PRKCE: variants seen among roughly 807,000 people sequenced by gnomAD.
The protein encoded by PRKCE is protein kinase C epsilon.
A neutral mutation model predicts 85.4 loss-of-function variants in PRKCE; 16 were observed. That is an observed-to-expected ratio of 0.19 (90% CI 0.13 to 0.28). PRKCE has a LOEUF of 0.28. Ranked by LOEUF, PRKCE falls within the 10% of genes least tolerant of loss-of-function variation. The probability of loss-of-function intolerance (pLI) is 1.00; values close to 1 mark genes in which losing one functional copy is unlikely to be tolerated. For synonymous variants in PRKCE, 388 were observed against 371.5 expected (o/e 1.04, Z -0.51); for missense variants, 573 against 975.2 (o/e 0.59, Z 5.49).
rs537945185 is a variant in PRKCE, at chr2:45,968,031, G to A, written c.413-8398G>A. Among the ~76,000 whole-genome samples the A allele has an allele frequency of 3.9e-5, 6 of 152,332 alleles. No homozygotes were observed. In the South Asian group the frequency reaches 1.2e-3, roughly 32 times the overall value. On this transcript the variant is annotated intron_variant, in intron 2 of 14. Coordinates refer to ENST00000306156, the MANE Select transcript of PRKCE (RefSeq NM_005400.3). Reference sequence around the variant, plus strand: ...ACAAAGGGTAGGGGACTGTCCTGCAGTGAGGAATGACAGTGGTGCCCCAAG... The same window carrying A: ...ACAAAGGGTAGGGGACTGTCCTGCAATGAGGAATGACAGTGGTGCCCCAAG...
intron 11 of PRKCE, among the ~76,000 whole-genome samples, chr2:46,098,628 A>C (rs1288588513): frequency 1.3e-5 from 2 of 152,156 alleles, no homozygotes; most frequent in African/African-American, 4.8e-5. Context: ...TTTGACATCA[A>C]TATATTTTAT....
rs1449105737 is a variant in PRKCE, at chr2:45,884,984, TATATA to T, written c.412+41922_412+41926del. On this transcript the variant is annotated intron_variant, in intron 2 of 14. Coordinates refer to ENST00000306156, the MANE Select transcript of PRKCE (RefSeq NM_005400.3). ...ATATATATATATATATATATATATA[TATATA>T]TATATATATATATTTGTTGTTGTTG... is the stretch of plus-strand genomic sequence containing the variant. Among the ~76,000 whole-genome samples, 26 of 77,106 alleles carry T rather than the reference TATATA, an allele frequency of 3.4e-4. No homozygotes were observed. In the East Asian group the frequency reaches 3.5e-3, roughly 10 times the overall value. The allele number at this position is 77,106 out of a possible 152,430, so 50.6% of individuals were successfully genotyped here.
intron 1 of PRKCE, among the ~76,000 whole-genome samples, chr2:45,789,350 A>G (rs1301065515): frequency 6.6e-6 from 1 of 152,256 alleles, no homozygotes; most frequent in East Asian, 1.9e-4. Flanking sequence ...TACTGTTCAC[A>G]GTTCATGCAT....
At chr2:45,944,936 C>T (rs1211601883) in intron 2 of PRKCE, among the ~76,000 whole-genome samples, 1 of 152,084 alleles carries the variant, frequency 6.6e-6, no homozygotes, top group East Asian at 1.9e-4. Context: ...AGAGTGGGGA[C>T]ACCTGTTTTT....
chr2:45,825,929 G>C (rs980234282), intron 1 of PRKCE, among the ~76,000 whole-genome samples: 1 of 152,034 alleles, frequency 6.6e-6, no homozygotes, highest in African/African-American at 2.4e-5. Context: ...TGGCAGGGAC[G>C]GGGGGATGGG....
At position 46,077,647 on chromosome 2, in the gene PRKCE, A is replaced by G. The variant is rs145208932; in HGVS notation, c.1438-8561A>G. On this transcript the variant is annotated intron_variant, in intron 10 of 14. Coordinates refer to ENST00000306156, the MANE Select transcript of PRKCE (RefSeq NM_005400.3). Reference sequence around the variant, plus strand: ...TAGAATAAGGGCTGAAAACATGTGAAAATGACTTTTTAAACATCATTAAGG... The same window carrying G: ...TAGAATAAGGGCTGAAAACATGTGAGAATGACTTTTTAAACATCATTAAGG... Among the ~76,000 whole-genome samples, 209 of 152,330 alleles carry G rather than the reference A, an allele frequency of 1.4e-3. 1 individual carries two copies. Among genetic ancestry groups the G allele is most frequent in the African/African-American group, 4.7e-3 (196 of 41,584 alleles).
intron 2 of PRKCE, among the ~76,000 whole-genome samples, chr2:45,970,443 A>C (rs774877471): frequency 1.1e-4 from 16 of 152,132 alleles, no homozygotes; most frequent in Non-Finnish European, 2.2e-4. Context: ...ATCAGAAACT[A>C]ATTGGGAGGA....
chr2:46,093,160 C>T (rs770186703), intron 11 of PRKCE, among the ~76,000 whole-genome samples: 7 of 152,054 alleles, frequency 4.6e-5, no homozygotes, highest in Admixed American at 4.6e-4. Context: ...ATCTAAGGGC[C>T]GAGTCTCTAA....
intron 11 of PRKCE, among the ~76,000 whole-genome samples, chr2:46,121,573 C>T (rs527574528): frequency 1.4e-4 from 21 of 152,298 alleles, no homozygotes; most frequent in Middle Eastern, 3.4e-3. Flanking sequence ...TTACAGGACC[C>T]GGCATGGTGC....
intron 1 of PRKCE, among the ~76,000 whole-genome samples, chr2:45,693,649 C>T (rs1279179654): frequency 6.6e-6 from 1 of 152,136 alleles, no homozygotes; most frequent in African/African-American, 2.4e-5. Context: ...CTCTGAGAGG[C>T]TGGTCTCAAG....
chr2:45,871,156 C>G (rs529504967), intron 2 of PRKCE, among the ~76,000 whole-genome samples: 6 of 152,346 alleles, frequency 3.9e-5, no homozygotes, highest in Admixed American at 1.3e-4. Flanking sequence ...GAAGGCACAT[C>G]TGTTAACCAC....
intron 2 of PRKCE, among the ~76,000 whole-genome samples, chr2:45,928,153 T>A (rs2104009226): frequency 6.6e-6 from 1 of 152,346 alleles, no homozygotes; most frequent in African/African-American, 2.4e-5. Flanking sequence ...TTGTTCTGTG[T>A]TGTGATCTAT....
intron 1 of PRKCE, among the ~76,000 whole-genome samples, chr2:45,666,143 C>G (rs1675900259): frequency 6.6e-6 from 1 of 152,136 alleles, no homozygotes; most frequent in South Asian, 2.1e-4. Context: ...CCATGACTAC[C>G]TAGCTGGTTT....
At chr2:45,915,442 T>C (rs765889420) in intron 2 of PRKCE, among the ~76,000 whole-genome samples, 51 of 152,084 alleles carry the variant, frequency 3.4e-4, no homozygotes, top group Non-Finnish European at 6.5e-4. Context: ...GAATCAGCTG[T>C]TTTGTATGAG....
At chr2:45,826,154 G>A (rs1689925321) in intron 1 of PRKCE, among the ~76,000 whole-genome samples, 1 of 152,118 alleles carries the variant, frequency 6.6e-6, no homozygotes, top group African/African-American at 2.4e-5. Flanking sequence ...CACCCTCCTG[G>A]TCTCAATGTG....
chr2:45,921,543 C>T (rs1035692723), intron 2 of PRKCE, among the ~76,000 whole-genome samples: 5 of 152,198 alleles, frequency 3.3e-5, no homozygotes, highest in Non-Finnish European at 5.9e-5. Flanking sequence ...TTAGAAAGCT[C>T]AGTTACAGAG....
chr2:45,925,588 G>A (rs954371035), intron 2 of PRKCE, among the ~76,000 whole-genome samples: 3 of 152,134 alleles, frequency 2.0e-5, no homozygotes, highest in Admixed American at 6.5e-5. Flanking sequence ...GAACCACCGC[G>A]CCCGGCCAAG....
intron 1 of PRKCE, among the ~76,000 whole-genome samples, chr2:45,810,790 T>C (rs1050211509): frequency 5.9e-5 from 9 of 152,230 alleles, no homozygotes; most frequent in Non-Finnish European, 1.3e-4. Context: ...CTAACTTTGT[T>C]GCCTAGGCTT....
At chr2:45,778,890 T>C (rs1333164368) in intron 1 of PRKCE, among the ~76,000 whole-genome samples, 1 of 152,206 alleles carries the variant, frequency 6.6e-6, no homozygotes, top group Non-Finnish European at 1.5e-5. Context: ...CTGAGCTCAG[T>C]GCTCTTCCCA....
Sources: allele counts gnomAD v4.1 joint callset (sites outside exome capture counted in the v4.1 genomes callset), GRCh38; gene constraint gnomAD v4.1.1; transcripts MANE v1.5; gene names NCBI Gene and HGNC (gene_info 2026-07-23, HGNC 2026-07-21).